Variants in BAG4 observed in about 807,000 individuals in gnomAD.
BAG4 encodes BAG cochaperone 4.
Under a neutral mutation model 52.1 loss-of-function variants are expected in BAG4, and 28 were observed. That is an observed-to-expected ratio of 0.54 (90% CI 0.40 to 0.74). BAG4 has a LOEUF of 0.74. Among genes scored for constraint, BAG4 ranks in the 30% least tolerant of loss-of-function variants. BAG4 has a pLI of 0.00. For synonymous variants in BAG4, 208 were observed against 217.0 expected (o/e 0.96, Z 0.37); for missense variants, 525 against 572.0 (o/e 0.92, Z 0.84).
rs2130693134 is a variant in BAG4, at chr8:38,209,090, A to G, written c.711A>G (p.Arg237=). The change falls in exon 4 of 5, where the codon CGA becomes CGG. Residue 237 remains arginine, a synonymous_variant. Coordinates refer to ENST00000287322, the MANE Select transcript of BAG4 (RefSeq NM_004874.4). ...TTCCACAATCAGGACCGACTGTACGACCACAAGAAGATGCGTGGGCTTCTC... is the reference window on the plus strand; with the variant it reads ...TTCCACAATCAGGACCGACTGTACGGCCACAAGAAGATGCGTGGGCTTCTC... ...RSVPQSGPTV[R]PQEDAWASPG... 1.2e-6 allele frequency: 2 copies of G among 1,614,172 alleles called. No homozygotes were observed. The highest frequency in any genetic ancestry group is 1.7e-6 in the Non-Finnish European group (2 of 1,180,026).
intron 4 of BAG4, 97 bp from the exon 5 acceptor site, chr8:38,209,911 C>A: frequency 6.8e-7 from 1 of 1,467,844 alleles, no homozygotes; most frequent in Non-Finnish European, 9.2e-7. Flanking sequence ...TTTTCATGTA[C>A]CTTTCTGGTC....
intron 2 of BAG4, chr8:38,203,866 A>G (rs1428594210): frequency 6.4e-6 from 1 of 155,532 alleles, no homozygotes; most frequent in Admixed American, 6.6e-5. Context: ...CCTTGTGATA[A>G]TACTTATCGC....
At chr8:38,185,822 C>T (rs772540484) in intron 1 of BAG4, among the ~76,000 whole-genome samples, 10 of 152,206 alleles carry the variant, frequency 6.6e-5, no homozygotes, top group Non-Finnish European at 1.2e-4. Flanking sequence ...CTTGGCCTCC[C>T]AGAGTTCTGG....
At chr8:38,193,434 A>G (rs1052260915) in intron 2 of BAG4, among the ~76,000 whole-genome samples, 1 of 152,040 alleles carries the variant, frequency 6.6e-6, no homozygotes. Context: ...AAAAACAAAC[A>G]AAAAAACCCC....
intron 1 of BAG4, among the ~76,000 whole-genome samples, chr8:38,187,864 T>C (rs370712025): frequency 1.3e-3 from 51 of 38,856 alleles, no homozygotes; most frequent in African/African-American, 5.0e-3. Context: ...GTACTAAAAA[T>C]ACAAAAAAAA....
At chr8:38,195,464 C>CT (rs1183722410) in intron 2 of BAG4, among the ~76,000 whole-genome samples, 1 of 151,882 alleles carries the variant, frequency 6.6e-6, no homozygotes, top group Non-Finnish European at 1.5e-5. Flanking sequence ...AATTTGTTTG[C>CT]TTTTTTTGTA....
intron 2 of BAG4, among the ~76,000 whole-genome samples, chr8:38,193,132 T>G (rs1006419409): frequency 3.9e-5 from 6 of 152,282 alleles, no homozygotes; most frequent in South Asian, 4.2e-4. Context: ...AAATCTAGCA[T>G]GCAGGGCTGG....
At chr8:38,189,160 G>A (rs1352691488) in intron 1 of BAG4, among the ~76,000 whole-genome samples, 1 of 151,976 alleles carries the variant, frequency 6.6e-6, no homozygotes, top group East Asian at 1.9e-4. Flanking sequence ...GGCCCGGCCG[G>A]TCTTGAACTC....
At chr8:38,205,635 CT>C (rs11340472) in intron 2 of BAG4, among the ~76,000 whole-genome samples, 2,914 of 152,208 alleles carry the variant, frequency 0.019, 78 homozygotes, top group African/African-American at 0.067. Context: ...GCCCGAAGAC[CT>C]TAACAGCCTC....
chr8:38,192,153 A>G (rs979049358), intron 1 of BAG4, among the ~76,000 whole-genome samples: 6 of 152,214 alleles, frequency 3.9e-5, no homozygotes, highest in Non-Finnish European at 8.8e-5. Flanking sequence ...TTGTGTTCCA[A>G]AGTTATTGGT....
chr8:38,193,858 C>T (rs913696110), intron 2 of BAG4, among the ~76,000 whole-genome samples: 2 of 152,040 alleles, frequency 1.3e-5, no homozygotes, highest in African/African-American at 4.8e-5. Flanking sequence ...CCTGCTTCAG[C>T]CTCCCAAGTA....
chr8:38,198,705 T>C (rs1803610114), intron 2 of BAG4, among the ~76,000 whole-genome samples: 1 of 151,980 alleles, frequency 6.6e-6, no homozygotes, highest in Non-Finnish European at 1.5e-5. Context: ...GCCAGGATGG[T>C]CTCGATCTCC....
chr8:38,192,537 A>G, intron 1 of BAG4, 151 bp from the exon 2 acceptor site: 1 of 550,690 alleles, frequency 1.8e-6, no homozygotes, highest in Non-Finnish European at 3.1e-6. Context: ...CCTCCGCAGT[A>G]GTGGGACAAG....
At chr8:38,208,638 A>G (rs1803816040) in intron 3 of BAG4, among the ~76,000 whole-genome samples, 2 of 152,094 alleles carry the variant, frequency 1.3e-5, no homozygotes, top group African/African-American at 4.8e-5. Flanking sequence ...ATATTCTGTG[A>G]ATAACTATGT....
intron 3 of BAG4, among the ~76,000 whole-genome samples, chr8:38,208,307 C>CTT (rs769667054): frequency 1.5e-3 from 165 of 107,410 alleles, no homozygotes; most frequent in South Asian, 2.6e-3. Context: ...CTGTTAGGTT[C>CTT]TTTTTTTTTT....
intron 2 of BAG4, 40 bp from the exon 3 acceptor site, chr8:38,207,472 A>G (rs186342861): frequency 1.9e-6 from 3 of 1,591,828 alleles, no homozygotes; most frequent in Non-Finnish European, 2.6e-6. Flanking sequence ...CAGCTCTTCT[A>G]CTAATTCATC....
intron 1 of BAG4, among the ~76,000 whole-genome samples, chr8:38,189,813 T>TTTGTTG (rs145500897): frequency 5.9e-5 from 9 of 151,792 alleles, no homozygotes; most frequent in African/African-American, 1.2e-4. Flanking sequence ...TAAATTACGT[T>TTTGTTG]TTGTTGTTGT....
chr8:38,193,333 C>T (rs982931161), intron 2 of BAG4, among the ~76,000 whole-genome samples: 1 of 151,666 alleles, frequency 6.6e-6, no homozygotes, highest in Non-Finnish European at 1.5e-5. Context: ...GCAGGAGAAC[C>T]GCCTGAACCC....
intron 2 of BAG4, among the ~76,000 whole-genome samples, chr8:38,205,491 A>T (rs1427184525): frequency 6.6e-6 from 1 of 152,198 alleles, no homozygotes; most frequent in Non-Finnish European, 1.5e-5. Flanking sequence ...GAAGAACTTC[A>T]TGTCTATAAC....
Sources: gnomAD v4.1 joint callset for allele counts (sites outside exome capture counted in the v4.1 genomes callset) on GRCh38, gnomAD v4.1.1 for gene constraint, MANE v1.5 for transcripts, NCBI Gene and HGNC (gene_info 2026-07-23, HGNC 2026-07-21) for gene names.